The following DCC variants were observed in gnomAD, a reference collection of about 807,000 sequenced individuals.
The protein encoded by DCC is DCC netrin 1 receptor.
In DCC, 58 loss-of-function variants were observed where a neutral mutation model predicts 172.5. That is an observed-to-expected ratio of 0.34 (90% CI 0.27 to 0.42). The LOEUF is 0.42. Ranked by LOEUF, DCC falls within the 10% of genes least tolerant of loss-of-function variation. DCC has a pLI of 1.00. For synonymous variants in DCC, 709 were observed against 644.5 expected, an observed-to-expected ratio of 1.10 and a Z score of -1.52; for missense variants, 1,740 against 1,791.0, an observed-to-expected ratio of 0.97 and a Z score of 0.51.
intron 1 of DCC, among the ~76,000 whole-genome samples, chr18:52,616,178 G>A (rs2034378597): frequency 6.6e-6 from 1 of 151,994 alleles, no homozygotes; most frequent in African/African-American, 2.4e-5. Context: ...TCCTCTTTCT[G>A]TTTCAGAATT....
At chr18:52,868,474 G>A (rs969592597) in intron 2 of DCC, among the ~76,000 whole-genome samples, 13 of 152,148 alleles carry the variant, frequency 8.5e-5, no homozygotes, top group African/African-American at 2.2e-4. Context: ...TAATGAAACC[G>A]CTGTTGCAAA....
At chr18:52,631,779 A>C (rs2034680633) in intron 1 of DCC, among the ~76,000 whole-genome samples, 1 of 152,180 alleles carries the variant, frequency 6.6e-6, no homozygotes, top group Non-Finnish European at 1.5e-5. Flanking sequence ...AATTGGGAAA[A>C]TGTCTGACTA....
At chr18:52,383,560 T>C (rs1395979090) in intron 1 of DCC, among the ~76,000 whole-genome samples, 1 of 152,082 alleles carries the variant, frequency 6.6e-6, no homozygotes, top group Non-Finnish European at 1.5e-5. Flanking sequence ...GTTATATTAG[T>C]GTCAAATAAA....
chr18:53,163,719 A>G (rs1472214956), intron 8 of DCC, among the ~76,000 whole-genome samples: 1 of 152,228 alleles, frequency 6.6e-6, no homozygotes, highest in African/African-American at 2.4e-5. Context: ...TAGAATTCAC[A>G]GTGAAGTAAT....
intron 1 of DCC, among the ~76,000 whole-genome samples, chr18:52,686,535 A>G (rs1280705806): frequency 6.6e-6 from 1 of 152,086 alleles, no homozygotes; most frequent in East Asian, 1.9e-4. Flanking sequence ...GTCAGCCCAC[A>G]CTTCCCAAAA....
intron 19 of DCC, among the ~76,000 whole-genome samples, chr18:53,407,565 ACT>A (rs201397464): frequency 2.4e-5 from 3 of 127,074 alleles, no homozygotes; most frequent in Admixed American, 8.3e-5. Flanking sequence ...ATTCACTATT[ACT>A]CTCTCTCTAT....
At chr18:53,199,543 A>G (rs960833354) in intron 9 of DCC, among the ~76,000 whole-genome samples, 4 of 152,130 alleles carry the variant, frequency 2.6e-5, no homozygotes, top group Admixed American at 1.3e-4. Context: ...ATATATGTAC[A>G]TGCATACCTA....
intron 24 of DCC, among the ~76,000 whole-genome samples, chr18:53,460,235 T>G (rs1023893983): frequency 8.4e-6 from 1 of 119,694 alleles, no homozygotes; most frequent in Admixed American, 8.3e-5. Context: ...AAAAATCCCT[T>G]GGTCTACTCA....
At chr18:53,106,331 C>T (rs907263706) in intron 7 of DCC, among the ~76,000 whole-genome samples, 3 of 151,838 alleles carry the variant, frequency 2.0e-5, no homozygotes, top group Non-Finnish European at 4.4e-5. Context: ...GGTTCTTGCT[C>T]GCATTTGGGA....
chr18:52,794,872 C>T (rs550751643), intron 2 of DCC, among the ~76,000 whole-genome samples: 1 of 151,668 alleles, frequency 6.6e-6, no homozygotes, highest in South Asian at 2.1e-4. Flanking sequence ...CTTTTTGATG[C>T]CTGTTGAGAA....
intron 9 of DCC, among the ~76,000 whole-genome samples, chr18:53,197,862 A>T (rs1423243616): frequency 6.6e-6 from 1 of 152,116 alleles, no homozygotes; most frequent in Non-Finnish European, 1.5e-5. Flanking sequence ...TAAGAGAAAG[A>T]AAAGATAAAA....
intron 7 of DCC, among the ~76,000 whole-genome samples, chr18:53,073,504 T>C (rs560322949): frequency 6.6e-6 from 1 of 152,190 alleles, no homozygotes; most frequent in Admixed American, 6.5e-5. Flanking sequence ...CCAGCCTGGG[T>C]GACAGAGCGA....
chr18:52,624,324 G>C (rs978423671), intron 1 of DCC, among the ~76,000 whole-genome samples: 1 of 152,154 alleles, frequency 6.6e-6, no homozygotes, highest in Non-Finnish European at 1.5e-5. Context: ...GAGATTGTGA[G>C]TAAAATAGTA....
chr18:52,556,379 C>T (rs2144731821), intron 1 of DCC, among the ~76,000 whole-genome samples: 1 of 152,182 alleles, frequency 6.6e-6, no homozygotes, highest in South Asian at 2.1e-4. Flanking sequence ...ATAAAGACAA[C>T]ATAGAATATG....
At chr18:52,984,120 T>A (rs1316754299) in intron 5 of DCC, among the ~76,000 whole-genome samples, 1 of 152,138 alleles carries the variant, frequency 6.6e-6, no homozygotes, top group African/African-American at 2.4e-5. Context: ...TAAATATAAA[T>A]AACATGTCCC....
chr18:53,498,153 A>G (rs891780337), intron 26 of DCC, among the ~76,000 whole-genome samples: 6 of 152,266 alleles, frequency 3.9e-5, no homozygotes, highest in Middle Eastern at 3.4e-3. Context: ...CTTTAATTCT[A>G]TGTCTTGATC....
At chr18:52,798,573 TTC>T (rs935990601) in intron 2 of DCC, among the ~76,000 whole-genome samples, 14 of 151,356 alleles carry the variant, frequency 9.2e-5, no homozygotes, top group Non-Finnish European at 1.9e-4. Flanking sequence ...TCCAAATACT[TTC>T]TGAGTTGAAA....
At chr18:52,787,031 A>G in intron 2 of DCC, among the ~76,000 whole-genome samples, 1 of 152,176 alleles carries the variant, frequency 6.6e-6, no homozygotes, top group East Asian at 1.9e-4. Flanking sequence ...GCAGAGAGAA[A>G]CATGCTCCAA....
At position 52,980,103 on chromosome 18, in the gene DCC, G is replaced by A. The variant is rs115502570; in HGVS notation, c.985+54733G>A. ...ACTGTCTGCCTTACAGGGGAGGTTG[G>A]GAGGAGAGTGATGCTTGATGCTTCT... On this transcript the variant is annotated intron_variant, in intron 5 of 28. Transcript: ENST00000442544. Among the ~76,000 whole-genome samples, 934 of 152,174 alleles carry A rather than the reference G, an allele frequency of 6.1e-3. 6 individuals carry two copies. Among genetic ancestry groups the A allele is most frequent in the African/African-American group, 0.022 (894 of 41,522 alleles).
Sources: allele counts gnomAD v4.1 joint callset (sites outside exome capture counted in the v4.1 genomes callset), GRCh38; gene constraint gnomAD v4.1.1; transcripts MANE v1.5; gene names NCBI Gene and HGNC (gene_info 2026-07-23, HGNC 2026-07-21).